PHACTR3: variants seen among roughly 807,000 people sequenced by gnomAD.
The protein encoded by PHACTR3 is phosphatase and actin regulator 3.
PHACTR3 carries 16 observed loss-of-function variants against 66.8 expected under a neutral mutation model. The observed-to-expected ratio is 0.24, with a 90% confidence interval of 0.16 to 0.36. PHACTR3 has a LOEUF of 0.36. Ranked by LOEUF, PHACTR3 falls within the 10% of genes least tolerant of loss-of-function variation. The pLI, the probability that PHACTR3 is intolerant of heterozygous loss-of-function variation, is 1.00. For missense variants in PHACTR3, 647 were observed against 719.9 expected (o/e 0.90, Z 1.16); for synonymous variants, 323 against 292.1 (o/e 1.11, Z -1.08).
intron 11 of PHACTR3, among the ~76,000 whole-genome samples, chr20:59,842,746 C>A (rs1304223963): frequency 1.3e-5 from 2 of 152,130 alleles, no homozygotes; most frequent in Non-Finnish European, 2.9e-5. Flanking sequence ...TCTTGGTGTT[C>A]CTGTTTCATT....
chr20:59,701,624 G>C (rs559461167), intron 1 of PHACTR3, among the ~76,000 whole-genome samples: 2 of 152,270 alleles, frequency 1.3e-5, no homozygotes, highest in African/African-American at 4.8e-5. Flanking sequence ...CTTACAAAAA[G>C]TGAGTTCCCA....
rs1277921692 is a variant in PHACTR3, at chr20:59,604,892, T to G, written c.-123T>G. On this transcript the variant is annotated 5_prime_UTR_variant, in exon 1 of 13. Coordinates refer to ENST00000371015, the MANE Select transcript of PHACTR3 (RefSeq NM_080672.5). ...CTTTCCCGGCCTTTTTTTTTTTTTT[T>G]TTTTTTTAATTTTCTTTTTTAAAAA... 9.3e-7 allele frequency: 1 copy of G among 1,070,976 alleles called. No individual in the cohort carries two copies. Among genetic ancestry groups the G allele is most frequent in the East Asian group, 5.7e-5 (1 of 17,564 alleles). 66.3% of individuals were successfully genotyped at this position (1,070,976 alleles called of 1,614,324 possible). A position where few individuals can be genotyped will look rare whatever the true frequency, so the allele number is the denominator to read the frequency against.
intron 7 of PHACTR3, among the ~76,000 whole-genome samples, chr20:59,775,545 G>A (rs536354953): frequency 9.9e-5 from 15 of 152,228 alleles, no homozygotes; most frequent in African/African-American, 2.9e-4. Context: ...CACCGGGTCC[G>A]AGGAAGCAAT....
intron 3 of PHACTR3, among the ~76,000 whole-genome samples, chr20:59,748,717 G>C (rs1217895090): frequency 6.6e-6 from 1 of 152,176 alleles, no homozygotes; most frequent in East Asian, 1.9e-4. Context: ...ACTCTCTGGA[G>C]CTGGACCAAG....
intron 8 of PHACTR3, among the ~76,000 whole-genome samples, chr20:59,815,656 C>A (rs2041867396): frequency 6.6e-6 from 1 of 152,126 alleles, no homozygotes; most frequent in South Asian, 2.1e-4. Context: ...ATCTCTTGAC[C>A]TCATGATCCG....
intron 1 of PHACTR3, among the ~76,000 whole-genome samples, chr20:59,635,617 T>G (rs558205237): frequency 2.6e-4 from 39 of 152,324 alleles, no homozygotes; most frequent in African/African-American, 8.4e-4. Context: ...TGTGAACTAT[T>G]TGGTAAACAT....
intron 8 of PHACTR3, among the ~76,000 whole-genome samples, chr20:59,818,235 C>G (rs1319253417): frequency 2.6e-5 from 4 of 152,192 alleles, no homozygotes; most frequent in Non-Finnish European, 5.9e-5. Context: ...AAGTCACCTC[C>G]TGACATGCGC....
intron 1 of PHACTR3, among the ~76,000 whole-genome samples, chr20:59,697,216 C>T (rs905048214): frequency 6.6e-6 from 1 of 152,282 alleles, no homozygotes; most frequent in African/African-American, 2.4e-5. Context: ...CAGCCCTTCC[C>T]CAGAGCCTGT....
intron 4 of PHACTR3, among the ~76,000 whole-genome samples, chr20:59,759,494 A>T (rs1233537161): frequency 6.6e-6 from 1 of 151,918 alleles, no homozygotes; most frequent in Non-Finnish European, 1.5e-5. Context: ...GTCCCTGTAG[A>T]TGGGTGTTGG....
chr20:59,645,365 A>G (rs749455925), intron 1 of PHACTR3, among the ~76,000 whole-genome samples: 3 of 151,956 alleles, frequency 2.0e-5, no homozygotes, highest in Non-Finnish European at 4.4e-5. Context: ...TTGTGGAATC[A>G]TGAGGGAGGT....
In PHACTR3 at chr20:59,583,552, C is replaced by T. The variant is rs778674336; in HGVS notation, c.109+5935C>T. ...CAGGGCCGGCCCCAGGAGGGAGGCTCCCCGCGTGCCCGCCTACGCAAGCAG... is the reference window on the plus strand; with the variant it reads ...CAGGGCCGGCCCCAGGAGGGAGGCTTCCCGCGTGCCCGCCTACGCAAGCAG... On this transcript the variant is annotated intron_variant, in intron 1 of 12. Coordinates refer to the PHACTR3 transcript ENST00000359926. Among the ~76,000 whole-genome samples, 7 of 152,358 alleles carry T rather than the reference C, an allele frequency of 4.6e-5. No individual in the cohort carries two copies. The South Asian group carries it at 6.2e-4, about 14-fold the overall frequency.
intron 1 of PHACTR3, among the ~76,000 whole-genome samples, chr20:59,723,062 C>CTT (rs372191467): frequency 8.9e-5 from 4 of 45,150 alleles, no homozygotes; most frequent in Non-Finnish European, 1.9e-4. Flanking sequence ...CTTTCTTTCT[C>CTT]TTTCTTTCTT....
intron 1 of PHACTR3, among the ~76,000 whole-genome samples, chr20:59,647,718 A>G (rs2035330903): frequency 6.6e-6 from 1 of 152,120 alleles, no homozygotes; most frequent in African/African-American, 2.4e-5. Context: ...ACCCTGTACA[A>G]ACTCATCTCC....
chr20:59,715,956 C>T (rs758625801), intron 1 of PHACTR3, among the ~76,000 whole-genome samples: 3 of 152,180 alleles, frequency 2.0e-5, no homozygotes, highest in Non-Finnish European at 2.9e-5. Flanking sequence ...AGAAGTGAAA[C>T]ACACATGCCT....
At chr20:59,743,318 C>G in intron 2 of PHACTR3, 50 bp downstream of exon 2, 1 of 1,603,430 alleles carries the variant, frequency 6.2e-7, no homozygotes, top group Non-Finnish European at 8.5e-7. Flanking sequence ...GACCAGCGTC[C>G]TTGGCATGGT....
chr20:59,740,575 G>A (rs561842303), intron 1 of PHACTR3, among the ~76,000 whole-genome samples: 2 of 152,224 alleles, frequency 1.3e-5, no homozygotes, highest in East Asian at 3.8e-4. Flanking sequence ...ACGATTACAG[G>A]CATGAGCCAC....
chr20:59,744,359 C>T (rs185370770), intron 2 of PHACTR3, among the ~76,000 whole-genome samples: 77 of 152,354 alleles, frequency 5.1e-4, no homozygotes, highest in African/African-American at 1.7e-3. Flanking sequence ...GAGGCCGCAT[C>T]TCCACCCCAG....
intron 1 of PHACTR3, among the ~76,000 whole-genome samples, chr20:59,623,423 A>G (rs190403090): frequency 6.6e-6 from 1 of 152,280 alleles, no homozygotes; most frequent in African/African-American, 2.4e-5. Context: ...TATTCAACAA[A>G]CATCGACTGT....
Position 59,593,088 on chromosome 20 carries a change from T to C in PHACTR3, c.109+15471T>C, listed in dbSNP as rs569602177. On this transcript the variant is annotated intron_variant, in intron 1 of 12. Coordinates refer to the PHACTR3 transcript ENST00000359926. ...GAAACCACAAAGCTGTCTTCCAAAGTAGCTGCACCATTTTGCATTCTCAGC... is the reference window on the plus strand; with the variant it reads ...GAAACCACAAAGCTGTCTTCCAAAGCAGCTGCACCATTTTGCATTCTCAGC... Among the ~76,000 whole-genome samples the C allele has an allele frequency of 2.6e-5, 4 of 152,348 alleles. No individual in the cohort carries two copies. The South Asian group carries it at 8.3e-4, about 32-fold the overall frequency.
Sources: gnomAD v4.1 joint callset for allele counts (sites outside exome capture counted in the v4.1 genomes callset) on GRCh38, gnomAD v4.1.1 for gene constraint, MANE v1.5 for transcripts, NCBI Gene and HGNC (gene_info 2026-07-23, HGNC 2026-07-21) for gene names.